The following KHDRBS2 variants were observed in gnomAD, a reference collection of about 807,000 sequenced individuals.
The protein encoded by KHDRBS2 is KH domain-containing, RNA-binding, signal transduction-associated protein 2.
In KHDRBS2, 26 loss-of-function variants were observed where a neutral mutation model predicts 44.3. The observed-to-expected ratio is 0.59, with a 90% confidence interval of 0.43 to 0.81. The LOEUF is 0.81. Among genes scored for constraint, KHDRBS2 ranks in the 40% least tolerant of loss-of-function variants. KHDRBS2 has a pLI of 0.00. For synonymous variants in KHDRBS2, 194 were observed against 151.1 expected (o/e 1.28, Z -2.08); for missense variants, 476 against 433.1 (o/e 1.10, Z -0.88).
intron 1 of KHDRBS2, among the ~76,000 whole-genome samples, chr6:62,270,932 C>G (rs900906208): frequency 1.3e-5 from 2 of 152,098 alleles, no homozygotes; most frequent in African/African-American, 4.8e-5. Flanking sequence ...GGCACTCAAA[C>G]AGTAATATTT....
At chr6:62,191,554 A>G (rs1035203663) in intron 1 of KHDRBS2, among the ~76,000 whole-genome samples, 10 of 152,150 alleles carry the variant, frequency 6.6e-5, no homozygotes, top group African/African-American at 2.4e-4. Flanking sequence ...GCCAAGGACC[A>G]TATCACATTT....
At chr6:61,780,332 T>C (rs1193773825) in intron 6 of KHDRBS2, among the ~76,000 whole-genome samples, 3 of 152,020 alleles carry the variant, frequency 2.0e-5, no homozygotes, top group Non-Finnish European at 4.4e-5. Context: ...AAACCCCATC[T>C]CTACTAAAAA....
At chr6:61,931,862 T>TTCCTCC (rs753839907) in intron 4 of KHDRBS2, among the ~76,000 whole-genome samples, 2 of 151,548 alleles carry the variant, frequency 1.3e-5, no homozygotes, top group African/African-American at 4.8e-5. Flanking sequence ...AACCCATCCT[T>TTCCTCC]TCCTCCTCCT....
At chr6:62,060,617 C>CTG (rs555815738) in intron 2 of KHDRBS2, among the ~76,000 whole-genome samples, 514 of 148,142 alleles carry the variant, frequency 3.5e-3, no homozygotes, top group African/African-American at 0.012. Context: ...CTGTCTCTCT[C>CTG]TCTCTCTCTC....
intron 3 of KHDRBS2, among the ~76,000 whole-genome samples, chr6:62,041,327 G>A (rs369354409): frequency 6.6e-5 from 10 of 151,954 alleles, no homozygotes; most frequent in South Asian, 2.1e-4. Flanking sequence ...ATGAGACTCC[G>A]TCTCAATAAA....
the KHDRBS2 span, among the ~76,000 whole-genome samples, chr6:61,589,221 T>A: frequency 6.6e-6 from 1 of 152,162 alleles, no homozygotes; most frequent in African/African-American, 2.4e-5. Context: ...AGCACATATA[T>A]CTCAGAACTT....
chr6:61,756,215 G>T (rs1778458057), intron 6 of KHDRBS2, among the ~76,000 whole-genome samples: 1 of 151,864 alleles, frequency 6.6e-6, no homozygotes, highest in African/African-American at 2.4e-5. Context: ...GCATATTTAT[G>T]GATGCTTACT....
intron 2 of KHDRBS2, among the ~76,000 whole-genome samples, chr6:62,114,828 C>A (rs1167579653): frequency 6.8e-6 from 1 of 145,986 alleles, no homozygotes; most frequent in Non-Finnish European, 1.5e-5. Flanking sequence ...ACAAACAAAG[C>A]CATACAATAA....
chr6:61,869,268 T>G (rs1389812708), intron 6 of KHDRBS2, among the ~76,000 whole-genome samples: 3 of 152,330 alleles, frequency 2.0e-5, no homozygotes, highest in Non-Finnish European at 4.4e-5. Context: ...TGTAGCTGCT[T>G]CTTCACACAA....
At chr6:62,027,985 C>T (rs1472716202) in intron 3 of KHDRBS2, among the ~76,000 whole-genome samples, 1 of 152,102 alleles carries the variant, frequency 6.6e-6, no homozygotes, top group African/African-American at 2.4e-5. Flanking sequence ...GTAGCTAAGT[C>T]AGTCACAAAT....
At chr6:61,612,223 T>C in the KHDRBS2 span, among the ~76,000 whole-genome samples, 25 of 152,306 alleles carry the variant, frequency 1.6e-4, no homozygotes, top group African/African-American at 5.8e-4. Flanking sequence ...TTTATGAGGC[T>C]AATGAGGACA....
chr6:61,659,962 G>A, the KHDRBS2 span, among the ~76,000 whole-genome samples: 2 of 151,734 alleles, frequency 1.3e-5, no homozygotes, highest in African/African-American at 2.4e-5. Context: ...ATACATGAAA[G>A]CACTCAAAGT....
At chr6:61,697,291 C>G in intron 7 of KHDRBS2, 38 bp from the exon 8 acceptor site, 2 of 1,316,174 alleles carry the variant, frequency 1.5e-6, no homozygotes, top group South Asian at 1.2e-5. Flanking sequence ...GTTACTATAA[C>G]CAGGAAATTC....
intron 6 of KHDRBS2, among the ~76,000 whole-genome samples, chr6:61,876,524 G>A (rs1041304782): frequency 6.6e-6 from 1 of 151,920 alleles, no homozygotes; most frequent in African/African-American, 2.4e-5. Flanking sequence ...GAGGATCCAA[G>A]CTCATTTATC....
chr6:62,018,317 G>A (rs1236097151), intron 3 of KHDRBS2, among the ~76,000 whole-genome samples: 22 of 138,680 alleles, frequency 1.6e-4, no homozygotes, highest in African/African-American at 5.3e-4. Flanking sequence ...GTGTGTGTGT[G>A]TGTGTGTGTG....
intron 3 of KHDRBS2, among the ~76,000 whole-genome samples, chr6:62,033,223 A>T (rs1784666937): frequency 6.6e-6 from 1 of 152,022 alleles, no homozygotes; most frequent in African/African-American, 2.4e-5. Flanking sequence ...AGGTTCTAGA[A>T]AATATCTTCA....
chr6:62,054,389 G>C (rs1454015439), intron 2 of KHDRBS2, among the ~76,000 whole-genome samples: 1 of 152,048 alleles, frequency 6.6e-6, no homozygotes, highest in Non-Finnish European at 1.5e-5. Flanking sequence ...ATGTTAAAAT[G>C]ACATTTGACA....
At chr6:62,150,429 C>T (rs1299201493) in intron 2 of KHDRBS2, among the ~76,000 whole-genome samples, 1 of 152,050 alleles carries the variant, frequency 6.6e-6, no homozygotes, top group Non-Finnish European at 1.5e-5. Context: ...CTATTTATAT[C>T]TTCATTTTGT....
chr6:61,577,441 C>T, the KHDRBS2 span, among the ~76,000 whole-genome samples: 1 of 152,100 alleles, frequency 6.6e-6, no homozygotes, highest in Non-Finnish European at 1.5e-5. Flanking sequence ...ATTCACAATG[C>T]TATTTTAGGG....
Sources: allele counts gnomAD v4.1 joint callset (sites outside exome capture counted in the v4.1 genomes callset), GRCh38; gene constraint gnomAD v4.1.1; transcripts MANE v1.5; gene names NCBI Gene and HGNC (gene_info 2026-07-23, HGNC 2026-07-21).